The following AFG2A variants were observed in gnomAD, a reference collection of about 807,000 sequenced individuals.
AFG2A encodes the protein ATPase family gene 2 protein homolog A.
chr4:123,038,109 A>G, the AFG2A span, among the ~76,000 whole-genome samples: 1 of 152,082 alleles, frequency 6.6e-6, no homozygotes, highest in East Asian at 1.9e-4. Context: ...ATGGTGGCCA[A>G]ATATTTGGGG....
the AFG2A span, among the ~76,000 whole-genome samples, chr4:123,145,646 G>A: frequency 2.0e-5 from 3 of 151,946 alleles, no homozygotes; most frequent in Non-Finnish European, 2.9e-5. Context: ...GTTTCCAAAC[G>A]ATAATAACAA....
the AFG2A span, among the ~76,000 whole-genome samples, chr4:123,078,707 T>A: frequency 1.3e-5 from 2 of 152,150 alleles, no homozygotes; most frequent in Admixed American, 6.5e-5. Context: ...CCAAAAAGTA[T>A]CTTTGGATTC....
chr4:122,942,831 T>G, the AFG2A span, among the ~76,000 whole-genome samples: 5 of 151,432 alleles, frequency 3.3e-5, no homozygotes, highest in Admixed American at 2.0e-4. Context: ...TCTGGTATGT[T>G]GTGTCTTTGT....
the AFG2A span, among the ~76,000 whole-genome samples, chr4:123,109,524 CATATGATAG>C: frequency 3.9e-5 from 6 of 152,078 alleles, no homozygotes; most frequent in Non-Finnish European, 7.4e-5. Flanking sequence ...AAGAAATACT[CATATGATAG>C]ATCTCTCTTA....
At chr4:123,222,665 A>G in the AFG2A span, among the ~76,000 whole-genome samples, 1 of 152,190 alleles carries the variant, frequency 6.6e-6, no homozygotes, top group African/African-American at 2.4e-5. Flanking sequence ...TCACTGAAGC[A>G]TTATGCCTGT....
At chr4:123,311,236 G>A in the AFG2A span, among the ~76,000 whole-genome samples, 1 of 152,134 alleles carries the variant, frequency 6.6e-6, no homozygotes, top group Non-Finnish European at 1.5e-5. Flanking sequence ...TCACATTTCA[G>A]GTGGTCACTA....
chr4:123,092,728 A>G, the AFG2A span, among the ~76,000 whole-genome samples: 5 of 152,156 alleles, frequency 3.3e-5, no homozygotes, highest in East Asian at 1.9e-4. Flanking sequence ...CTAAACTCAC[A>G]TGATTGTGGC....
chr4:123,228,505 G>A, the AFG2A span, among the ~76,000 whole-genome samples: 10 of 152,060 alleles, frequency 6.6e-5, no homozygotes, highest in South Asian at 4.1e-4. Context: ...AGAACACAAG[G>A]AAATGACATA....
chr4:122,948,028 A>T, the AFG2A span, among the ~76,000 whole-genome samples: 1 of 152,120 alleles, frequency 6.6e-6, no homozygotes, highest in Non-Finnish European at 1.5e-5. Flanking sequence ...CATATAAAAA[A>T]TATGGTTAAT....
the AFG2A span, among the ~76,000 whole-genome samples, chr4:122,957,007 T>A: frequency 6.6e-6 from 1 of 152,200 alleles, no homozygotes; most frequent in Non-Finnish European, 1.5e-5. Context: ...ATGCCTTATC[T>A]GAGCCTCAGT....
the AFG2A span, among the ~76,000 whole-genome samples, chr4:123,167,678 T>C: frequency 6.6e-6 from 1 of 152,160 alleles, no homozygotes; most frequent in African/African-American, 2.4e-5. Flanking sequence ...AAGTAATGAA[T>C]AAATGTATTG....
the AFG2A span, among the ~76,000 whole-genome samples, chr4:123,124,851 G>A: frequency 5.9e-5 from 9 of 152,088 alleles, no homozygotes; most frequent in African/African-American, 1.9e-4. Context: ...ATCTAACTTC[G>A]AGTATTATAC....
the AFG2A span, among the ~76,000 whole-genome samples, chr4:123,203,111 G>A: frequency 1.3e-4 from 19 of 151,500 alleles, no homozygotes; most frequent in African/African-American, 3.9e-4. Context: ...CACTAAGCAC[G>A]TTGTTCTTTA....
At chr4:122,947,404 C>G in the AFG2A span, 2 of 1,614,076 alleles carry the variant, frequency 1.2e-6, no homozygotes, top group Non-Finnish European at 1.7e-6. Flanking sequence ...ACCCCATTTG[C>G]TCACTGAGGC....
chr4:123,302,197 T>C, the AFG2A span, among the ~76,000 whole-genome samples: 1 of 152,172 alleles, frequency 6.6e-6, no homozygotes, highest in African/African-American at 2.4e-5. Context: ...GGGAGGAGTC[T>C]TGAAGTTTTT....
the AFG2A span, among the ~76,000 whole-genome samples, chr4:122,928,001 A>T: frequency 2.8e-3 from 422 of 152,278 alleles, 3 homozygotes; most frequent in African/African-American, 9.7e-3. Context: ...TGTGTTTGAG[A>T]TGTTTCTGAT....
chr4:123,049,042 TACC>T, the AFG2A span, among the ~76,000 whole-genome samples: 1 of 152,180 alleles, frequency 6.6e-6, no homozygotes, highest in African/African-American at 2.4e-5. Context: ...GTTCCTTCAA[TACC>T]CTGTTTATTG....
the AFG2A span, among the ~76,000 whole-genome samples, chr4:123,168,858 A>C: frequency 6.6e-6 from 1 of 152,242 alleles, no homozygotes; most frequent in African/African-American, 2.4e-5. Context: ...AGTAGTTAGA[A>C]GCTAATTGTA....
chr4:123,093,217 G>A, the AFG2A span, among the ~76,000 whole-genome samples: 44 of 152,274 alleles, frequency 2.9e-4, 2 homozygotes, highest in South Asian at 8.5e-3. Context: ...GGTACTGCCC[G>A]TTGTGGTGCA....
Sources: gnomAD v4.1 joint callset for allele counts (sites outside exome capture counted in the v4.1 genomes callset) on GRCh38, gnomAD v4.1.1 for gene constraint, MANE v1.5 for transcripts, NCBI Gene and HGNC (gene_info 2026-07-23, HGNC 2026-07-21) for gene names.